The following ANKFN1 variants were observed in gnomAD, a reference collection of about 807,000 sequenced individuals.
The protein encoded by ANKFN1 is ankyrin repeat and fibronectin type III domain containing 1.
In ANKFN1, 74 loss-of-function variants were observed where a neutral mutation model predicts 108.7. The observed-to-expected ratio is 0.68, with a 90% CI of 0.56 to 0.83. The LOEUF is 0.83. Among genes scored for constraint, ANKFN1 ranks in the 40% least tolerant of loss-of-function variants. The pLI is 0.00. For synonymous variants in ANKFN1, 547 were observed against 516.2 expected, an observed-to-expected ratio of 1.06 and a Z score of -0.81; for missense variants, 1,505 against 1,382.3, an observed-to-expected ratio of 1.09 and a Z score of -1.41.
At chr17:56,339,402 C>T (rs1397884940) in intron 4 of ANKFN1, among the ~76,000 whole-genome samples, 2 of 152,066 alleles carry the variant, frequency 1.3e-5, no homozygotes, top group African/African-American at 4.8e-5. Flanking sequence ...ATTGTTTCAT[C>T]ACCCAGGTGT....
At chr17:56,449,752 C>T (rs17820378) in intron 11 of ANKFN1, among the ~76,000 whole-genome samples, 2,112 of 152,262 alleles carry the variant, frequency 0.014, 49 homozygotes, top group East Asian at 0.091. Flanking sequence ...AAGCTGGATT[C>T]TTCTGGTTCT....
chr17:56,471,176 A>G (rs2050305005), intron 15 of ANKFN1: 1 of 152,774 alleles, frequency 6.5e-6, no homozygotes, highest in East Asian at 1.9e-4. Flanking sequence ...ATCAACTAGA[A>G]GAGGGACCAA....
chr17:56,397,174 A>G (rs1484344500), intron 8 of ANKFN1, among the ~76,000 whole-genome samples: 1 of 152,186 alleles, frequency 6.6e-6, no homozygotes, highest in Non-Finnish European at 1.5e-5. Context: ...AAATAGATGA[A>G]GATCCATCAC....
chr17:56,459,530 T>A (rs1239696969), intron 14 of ANKFN1, among the ~76,000 whole-genome samples: 2 of 152,098 alleles, frequency 1.3e-5, no homozygotes, highest in Non-Finnish European at 2.9e-5. Flanking sequence ...CCCACTTGAG[T>A]TGGACCATGC....
At chr17:56,509,547 G>A (rs1321280719) in intron 20 of ANKFN1, among the ~76,000 whole-genome samples, 1 of 152,196 alleles carries the variant, frequency 6.6e-6, no homozygotes, top group African/African-American at 2.4e-5. Flanking sequence ...GCCATGCTTA[G>A]CTGCAGGGGA....
chr17:56,146,803 T>TTCC (rs1208222293), intron 4 of ANKFN1, among the ~76,000 whole-genome samples: 1 of 152,224 alleles, frequency 6.6e-6, no homozygotes, highest in African/African-American at 2.4e-5. Context: ...TGGAGACATT[T>TTCC]TCCTCGTTGT....
intron 4 of ANKFN1, among the ~76,000 whole-genome samples, chr17:56,090,641 C>G (rs926266143): frequency 6.6e-6 from 1 of 151,238 alleles, no homozygotes; most frequent in Non-Finnish European, 1.5e-5. Context: ...GGGTCTCACT[C>G]TGTTGCCCAG....
intron 8 of ANKFN1, among the ~76,000 whole-genome samples, chr17:56,384,088 T>G (rs2047187299): frequency 6.6e-6 from 1 of 152,152 alleles, no homozygotes; most frequent in African/African-American, 2.4e-5. Context: ...AATAAAATAC[T>G]GGCAAACCAA....
intron 1 of ANKFN1, among the ~76,000 whole-genome samples, chr17:56,170,801 TATATATACAC>T (rs1320386629): frequency 4.7e-5 from 3 of 64,206 alleles, no homozygotes; most frequent in African/African-American, 1.0e-4. Flanking sequence ...TATATATATA[TATATATACAC>T]ACACACACAC....
intron 4 of ANKFN1, among the ~76,000 whole-genome samples, chr17:56,132,514 C>T (rs1453431567): frequency 6.6e-6 from 1 of 152,140 alleles, no homozygotes; most frequent in Admixed American, 6.6e-5. Context: ...CAAAGACTGT[C>T]TCTAATGGGT....
chr17:56,453,795 C>CTT (rs113373908), intron 11 of ANKFN1, among the ~76,000 whole-genome samples: 58 of 146,532 alleles, frequency 4.0e-4, no homozygotes, highest in African/African-American at 1.4e-3. Flanking sequence ...GGTTGAAATC[C>CTT]TTTTTTTTTT....
At chr17:56,063,246 A>C (rs1453027786) in intron 4 of ANKFN1, among the ~76,000 whole-genome samples, 1 of 151,952 alleles carries the variant, frequency 6.6e-6, no homozygotes, top group Admixed American at 6.6e-5. Context: ...ATCTTCTTAT[A>C]GTGTATCTTA....
chr17:56,246,183 C>G (rs1312031064), intron 3 of ANKFN1, among the ~76,000 whole-genome samples: 8 of 152,108 alleles, frequency 5.3e-5, no homozygotes, highest in Non-Finnish European at 1.2e-4. Context: ...CAGAGGTCTT[C>G]TTCCTAATTT....
intron 4 of ANKFN1, among the ~76,000 whole-genome samples, chr17:56,338,165 A>G (rs2045866547): frequency 6.6e-6 from 1 of 152,312 alleles, no homozygotes; most frequent in Non-Finnish European, 1.5e-5. Flanking sequence ...ACATGGATGA[A>G]GCTGGAAACC....
chr17:56,082,363 G>T (rs778399531), intron 4 of ANKFN1, among the ~76,000 whole-genome samples: 2 of 151,552 alleles, frequency 1.3e-5, no homozygotes, highest in Admixed American at 6.6e-5. Flanking sequence ...TGATATTTTT[G>T]AATCTCCACG....
chr17:56,442,674 G>A (rs987905225), intron 9 of ANKFN1, among the ~76,000 whole-genome samples, 169 bp from the exon 10 acceptor site: 5 of 152,120 alleles, frequency 3.3e-5, no homozygotes, highest in South Asian at 2.1e-4. Flanking sequence ...AAACCAGAAT[G>A]CTATAGATGG....
chr17:56,481,401 G>A (rs1008523451), intron 17 of ANKFN1, among the ~76,000 whole-genome samples: 5 of 151,976 alleles, frequency 3.3e-5, no homozygotes, highest in Non-Finnish European at 7.4e-5. Context: ...ACTTTTTTAG[G>A]CTCTGCCCAA....
intron 18 of ANKFN1, among the ~76,000 whole-genome samples, chr17:56,485,710 G>A (rs563041846): frequency 2.0e-5 from 3 of 152,246 alleles, no homozygotes; most frequent in East Asian, 1.9e-4. Context: ...TTCATTTGAC[G>A]ATGACTAGAG....
At chr17:56,046,626 T>A (rs952333623) in intron 4 of ANKFN1, among the ~76,000 whole-genome samples, 1 of 152,160 alleles carries the variant, frequency 6.6e-6, no homozygotes, top group East Asian at 1.9e-4. Context: ...CTTTCCCAGG[T>A]GAAAGAACTC....
Sources: allele counts gnomAD v4.1 joint callset (sites outside exome capture counted in the v4.1 genomes callset), GRCh38; gene constraint gnomAD v4.1.1; transcripts MANE v1.5; gene names NCBI Gene and HGNC (gene_info 2026-07-23, HGNC 2026-07-21).